Variants in NFIA observed in about 807,000 individuals in gnomAD.
NFIA encodes the protein nuclear factor I A.
In NFIA, 8 loss-of-function variants were observed where a neutral mutation model predicts 62.8. The observed-to-expected ratio is 0.13, with a 90% CI of 0.07 to 0.23. The LOEUF is 0.23. NFIA is among the 10% of genes least tolerant of loss of function. The pLI, the probability that NFIA is intolerant of heterozygous loss-of-function variation, is 1.00. For missense variants in NFIA, 410 were observed against 642.1 expected, an observed-to-expected ratio of 0.64 and a Z score of 3.91; for synonymous variants, 235 against 238.1, an observed-to-expected ratio of 0.99 and a Z score of 0.12.
intron 2 of NFIA, among the ~76,000 whole-genome samples, chr1:61,204,666 C>G (rs138322679): frequency 1.3e-3 from 191 of 151,916 alleles, no homozygotes; most frequent in African/African-American, 4.4e-3. Flanking sequence ...CACCTTCTGC[C>G]CCCCCCACCC....
chr1:61,408,586 A>G (rs921236994), intron 9 of NFIA, among the ~76,000 whole-genome samples: 11 of 152,164 alleles, frequency 7.2e-5, no homozygotes, highest in African/African-American at 2.2e-4. Flanking sequence ...GTAATATGCA[A>G]TCAATTCCGT....
intron 2 of NFIA, among the ~76,000 whole-genome samples, chr1:61,100,276 A>G (rs1646485397): frequency 1.3e-5 from 2 of 152,178 alleles, no homozygotes; most frequent in Admixed American, 6.5e-5. Context: ...GAGCAGTTGT[A>G]GACCGTTATC....
At chr1:61,132,709 T>TG (rs1647102584) in intron 2 of NFIA, 1 of 152,190 alleles carries the variant, frequency 6.6e-6, no homozygotes, top group South Asian at 2.1e-4. Flanking sequence ...AGTTGGAAGA[T>TG]GAGGAGTAAC....
chr1:61,406,543 G>GCCCCCCCCC lies in NFIA; in HGVS notation c.1255-13_1255-5dup. The GCCCCCCCCC allele has an allele frequency of 1.1e-6, 1 of 876,654 alleles. No homozygotes were observed. The highest frequency in any genetic ancestry group is 1.5e-6 in the Non-Finnish European group (1 of 653,744). The allele number at this position is 876,654 out of a possible 1,614,324, so 54.3% of individuals were successfully genotyped here. On this transcript the variant is annotated intron_variant, in intron 8 of 10. Transcript: ENST00000403491. Reference sequence around the variant, plus strand: ...TCTTTTTCTTGTACGTGTGTTTTCTGCCCCCCCCCCCCCCACAGCCCAATG... The same window carrying GCCCCCCCCC: ...TCTTTTTCTTGTACGTGTGTTTTCTGCCCCCCCCCCCCCCCCCCCCCCCACAGCCCAATG...
chr1:61,338,550 T>A (rs1661738197), intron 4 of NFIA, among the ~76,000 whole-genome samples: 2 of 152,240 alleles, frequency 1.3e-5, no homozygotes, highest in South Asian at 4.1e-4. Context: ...ATTCAGATGC[T>A]TAGATTTTCA....
intron 4 of NFIA, among the ~76,000 whole-genome samples, chr1:61,334,152 G>A (rs375372524): frequency 3.3e-5 from 5 of 152,158 alleles, no homozygotes; most frequent in East Asian, 1.9e-4. Context: ...GGTAACTGTC[G>A]GGGTTAGAAT....
intron 10 of NFIA, among the ~76,000 whole-genome samples, chr1:61,438,177 G>A (rs2100570408): frequency 1.3e-5 from 2 of 152,316 alleles, no homozygotes; most frequent in Middle Eastern, 6.8e-3. Context: ...TTTGATCTCA[G>A]TATGTGACCT....
At chr1:61,161,067 A>G (rs191608953) in intron 2 of NFIA, among the ~76,000 whole-genome samples, 5 of 152,266 alleles carry the variant, frequency 3.3e-5, no homozygotes, top group Non-Finnish European at 7.4e-5. Context: ...GGCACTCGCC[A>G]CTATGCCCAG....
intron 2 of NFIA, among the ~76,000 whole-genome samples, chr1:61,152,951 T>A (rs1006601651): frequency 6.6e-6 from 1 of 152,208 alleles, no homozygotes; most frequent in African/African-American, 2.4e-5. Context: ...CTTGGCAATA[T>A]AAGCACTGGG....
intron 10 of NFIA, among the ~76,000 whole-genome samples, chr1:61,437,783 C>T (rs1406381300): frequency 6.6e-6 from 1 of 152,132 alleles, no homozygotes; most frequent in Non-Finnish European, 1.5e-5. Flanking sequence ...GTGGGGAGAA[C>T]ATTCCAGACC....
At chr1:61,159,365 A>G (rs760036652) in intron 2 of NFIA, among the ~76,000 whole-genome samples, 1 of 152,148 alleles carries the variant, frequency 6.6e-6, no homozygotes, top group Non-Finnish European at 1.5e-5. Context: ...TATCTACCCC[A>G]ATGCTTTTCA....
chr1:61,245,807 G>A (rs776922693), intron 2 of NFIA, among the ~76,000 whole-genome samples: 36 of 152,088 alleles, frequency 2.4e-4, no homozygotes, highest in Admixed American at 7.9e-4. Context: ...CTAAAAACTT[G>A]TAGTCATTCT....
At chr1:61,351,975 G>A (rs1278623489) in intron 4 of NFIA, among the ~76,000 whole-genome samples, 1 of 152,202 alleles carries the variant, frequency 6.6e-6, no homozygotes, top group Non-Finnish European at 1.5e-5. Context: ...TCAGAGTAAA[G>A]AGAAACCACA....
At chr1:61,097,622 A>G (rs1399203142) in intron 2 of NFIA, among the ~76,000 whole-genome samples, 2 of 152,180 alleles carry the variant, frequency 1.3e-5, no homozygotes, top group Non-Finnish European at 2.9e-5. Flanking sequence ...CTGTAGTGTT[A>G]CATTACCCAT....
At position 61,108,903 on chromosome 1, in the gene NFIA, A is replaced by G. The variant is rs574415331; in HGVS notation, c.559+20223A>G. Among the ~76,000 whole-genome samples, 10 of 151,902 alleles carry G rather than the reference A, an allele frequency of 6.6e-5. No homozygotes were observed. The East Asian group carries it at 1.9e-3, about 29-fold the overall frequency. ...AATTAGTGGGTAAATAGTGTTTTTAAAGAATGCAGTCATCTAAAATTTCAA... is the reference window on the plus strand; with the variant it reads ...AATTAGTGGGTAAATAGTGTTTTTAGAGAATGCAGTCATCTAAAATTTCAA... On this transcript the variant is annotated intron_variant, in intron 2 of 10. Transcript: ENST00000403491.
At chr1:61,154,614 C>G (rs1247036916) in intron 2 of NFIA, among the ~76,000 whole-genome samples, 1 of 152,154 alleles carries the variant, frequency 6.6e-6, no homozygotes, top group African/African-American at 2.4e-5. Context: ...CCCTGCCTGG[C>G]TAATTTTTTT....
intron 9 of NFIA, among the ~76,000 whole-genome samples, chr1:61,413,575 G>GTCT (rs1666204667): frequency 7.0e-6 from 1 of 142,504 alleles, no homozygotes; most frequent in East Asian, 2.1e-4. Flanking sequence ...AACCACAGCT[G>GTCT]TCTGCTACTG....
intron 2 of NFIA, among the ~76,000 whole-genome samples, chr1:61,158,073 C>T (rs951792454): frequency 6.6e-6 from 1 of 152,176 alleles, no homozygotes; most frequent in African/African-American, 2.4e-5. Context: ...ATGCCTATGA[C>T]ACATTATCTC....
At chr1:61,111,331 CAG>C (rs1372934848) in intron 2 of NFIA, among the ~76,000 whole-genome samples, 5 of 152,108 alleles carry the variant, frequency 3.3e-5, no homozygotes, top group Non-Finnish European at 4.4e-5. Flanking sequence ...CTCAGATCTT[CAG>C]AGTTTTTTCT....
Sources: allele counts gnomAD v4.1 joint callset (sites outside exome capture counted in the v4.1 genomes callset), GRCh38; gene constraint gnomAD v4.1.1; transcripts MANE v1.5; gene names NCBI Gene and HGNC (gene_info 2026-07-23, HGNC 2026-07-21).